CCM2: variants seen among roughly 807,000 people sequenced by gnomAD.
CCM2 encodes the protein CCM2 scaffold protein.
Under a neutral mutation model 44.9 loss-of-function variants are expected in CCM2, and 25 were observed. The observed-to-expected ratio is 0.56, with a 90% CI of 0.41 to 0.78. The LOEUF is 0.78. Among genes scored for constraint, CCM2 ranks in the 30% least tolerant of loss-of-function variants. CCM2 has a pLI of 0.00. For synonymous variants in CCM2, 219 were observed against 241.1 expected (o/e 0.91, Z 0.85); for missense variants, 481 against 580.6 (o/e 0.83, Z 1.76).
At chr7:45,060,235 C>A (rs1021387694) in intron 2 of CCM2, among the ~76,000 whole-genome samples, 2 of 152,148 alleles carry the variant, frequency 1.3e-5, no homozygotes, top group Non-Finnish European at 2.9e-5. Context: ...TCAAATAGTT[C>A]CCTCCTCTCT....
intron 1 of CCM2, among the ~76,000 whole-genome samples, chr7:45,004,168 CAAG>C (rs1349124305): frequency 6.0e-5 from 9 of 151,094 alleles, no homozygotes; most frequent in Non-Finnish European, 1.2e-4. Flanking sequence ...GACCCTGTCT[CAAG>C]AAGAAAAAGA....
chr7:45,044,725 T>C (rs917575115), intron 2 of CCM2, among the ~76,000 whole-genome samples: 3 of 152,210 alleles, frequency 2.0e-5, no homozygotes, highest in African/African-American at 7.2e-5. Flanking sequence ...GAAGAGACAT[T>C]AGTGACCTCA....
At chr7:45,044,029 T>G (rs1272409664) in intron 2 of CCM2, among the ~76,000 whole-genome samples, 2 of 152,234 alleles carry the variant, frequency 1.3e-5, no homozygotes, top group African/African-American at 4.8e-5. Flanking sequence ...CCAGAATTAG[T>G]TGTTTAGTTT....
At position 45,076,205 on chromosome 7, in the gene CCM2, A is replaced by G. The variant is rs536125993; in HGVS notation, c.*148A>G. 1.4e-4 allele frequency: 149 copies of G among 1,091,188 alleles called. No individual in the cohort carries two copies. The African/African-American group carries it at 1.9e-3, about 14-fold the overall frequency. 67.6% of individuals were successfully genotyped at this position (1,091,188 alleles called of 1,614,324 possible). ...TGGCCCCGGGCGGCCCAGGTCCTCT[A>G]CTGTGAAGGAGCAGGGAGCTGCCGA... On this transcript the variant is annotated 3_prime_UTR_variant, in exon 10 of 10. Transcript: ENST00000258781.
intron 4 of CCM2, 106 bp from the exon 5 acceptor site, chr7:45,068,337 G>A (rs1798884962): frequency 6.8e-7 from 1 of 1,471,702 alleles, no homozygotes; most frequent in Non-Finnish European, 9.4e-7. Flanking sequence ...CCTGAGCCAG[G>A]TAAAGGTCCT....
intron 1 of CCM2, among the ~76,000 whole-genome samples, chr7:45,007,933 T>C (rs1398492910): frequency 1.3e-5 from 2 of 152,154 alleles, no homozygotes; most frequent in African/African-American, 4.8e-5. Flanking sequence ...TCCATACAGG[T>C]TTTTTTCAAA....
At chr7:45,035,884 C>G (rs1294969) in intron 1 of CCM2, among the ~76,000 whole-genome samples, 131,863 of 152,154 alleles carry the variant, frequency 0.87, 57,449 homozygotes, top group African/African-American at 0.96. Flanking sequence ...AACTTATTGT[C>G]AAGGTAAATA....
chr7:45,034,068 G>A (rs1276354062), intron 1 of CCM2, among the ~76,000 whole-genome samples: 3 of 152,158 alleles, frequency 2.0e-5, no homozygotes, highest in Non-Finnish European at 4.4e-5. Flanking sequence ...CTCAAAGCTT[G>A]TCAGGGATTA....
chr7:45,047,719 G>A (rs1180107321), intron 2 of CCM2, among the ~76,000 whole-genome samples: 1 of 152,186 alleles, frequency 6.6e-6, no homozygotes, highest in African/African-American at 2.4e-5. Flanking sequence ...AGAAGTAGGT[G>A]TGCCTATAAA....
At chr7:45,028,057 A>G (rs10226202) in intron 1 of CCM2, among the ~76,000 whole-genome samples, 1 of 152,230 alleles carries the variant, frequency 6.6e-6, no homozygotes, top group Non-Finnish European at 1.5e-5. Flanking sequence ...GGATTCATCC[A>G]TCTTGACTCA....
intron 2 of CCM2, among the ~76,000 whole-genome samples, chr7:45,045,431 A>G (rs769529976): frequency 2.0e-5 from 3 of 152,256 alleles, no homozygotes; most frequent in Admixed American, 6.5e-5. Flanking sequence ...GAAAAATCAC[A>G]TAATTATATC....
chr7:45,048,716 T>C (rs1385587728), intron 2 of CCM2, among the ~76,000 whole-genome samples: 3 of 151,958 alleles, frequency 2.0e-5, no homozygotes, highest in Admixed American at 2.0e-4. Context: ...TGAGCCGAGA[T>C]TGTGCCACTG....
rs2289368 is a variant in CCM2 at position 45,073,582 on chromosome 7, G to A, written c.915+11G>A. ...GACTACATGCTGACGGTAGGCCTCC[G>A]CTGCAGGGACGCTGGGCTGCATGAG... On this transcript the variant is annotated intron_variant, in intron 8 of 9. Transcript: ENST00000258781. 159 of 1,588,666 alleles carry A rather than the reference G, an allele frequency of 1.0e-4. 1 individual carries two copies. The East Asian group carries it at 3.2e-3, about 32-fold the overall frequency.
chr7:45,043,320 CA>C (rs1390148360), intron 2 of CCM2, among the ~76,000 whole-genome samples: 4 of 152,004 alleles, frequency 2.6e-5, no homozygotes, highest in African/African-American at 9.6e-5. Flanking sequence ...CCAAACCAGA[CA>C]AAAAACAGTG....
chr7:45,076,186 C>T lies in CCM2; in HGVS notation c.*129C>T, dbSNP rs553486136. ...GAGAGGCGCCCGGTGCAGATGGCCCCGGGCGGCCCAGGTCCTCTACTGTGA... is the reference window on the plus strand; with the variant it reads ...GAGAGGCGCCCGGTGCAGATGGCCCTGGGCGGCCCAGGTCCTCTACTGTGA... On this transcript the variant is annotated 3_prime_UTR_variant, in exon 10 of 10. Coordinates refer to ENST00000258781, the MANE Select transcript of CCM2 (RefSeq NM_031443.4). The T allele has an allele frequency of 2.9e-4, 399 of 1,356,832 alleles. 8 individuals carry two copies. The South Asian group carries it at 4.2e-3, about 14-fold the overall frequency. 84.0% of individuals were successfully genotyped at this position (1,356,832 alleles called of 1,614,324 possible).
intron 1 of CCM2, among the ~76,000 whole-genome samples, chr7:45,036,345 T>TA (rs1443986961): frequency 6.6e-6 from 1 of 152,112 alleles, no homozygotes; most frequent in Non-Finnish European, 1.5e-5. Flanking sequence ...TAAATAAAGG[T>TA]AAGAAGGAAG....
At chr7:45,006,597 G>C (rs961004157) in intron 1 of CCM2, among the ~76,000 whole-genome samples, 1 of 152,124 alleles carries the variant, frequency 6.6e-6, no homozygotes. Flanking sequence ...ACCCACCTCG[G>C]CCTCCCAAAG....
chr7:45,054,614 G>A (rs1333294234), intron 2 of CCM2, among the ~76,000 whole-genome samples: 1 of 152,224 alleles, frequency 6.6e-6, no homozygotes, highest in Non-Finnish European at 1.5e-5. Context: ...GCGTGGAGCT[G>A]TGTGGTTGGC....
intron 2 of CCM2, among the ~76,000 whole-genome samples, chr7:45,042,042 G>T (rs1296190925): frequency 6.6e-6 from 1 of 152,162 alleles, no homozygotes; most frequent in Admixed American, 6.5e-5. Flanking sequence ...TTGGGAGACT[G>T]AGGCGGACGG....
Sources: allele counts gnomAD v4.1 joint callset (sites outside exome capture counted in the v4.1 genomes callset), GRCh38; gene constraint gnomAD v4.1.1; transcripts MANE v1.5; gene names NCBI Gene and HGNC (gene_info 2026-07-23, HGNC 2026-07-21).